The following DPY30 variants were observed in gnomAD, a reference collection of about 807,000 sequenced individuals.
DPY30 encodes the protein protein dpy-30 homolog.
Under a neutral mutation model 16.2 loss-of-function variants are expected in DPY30, and 6 were observed. That is an observed-to-expected ratio of 0.37 (90% confidence interval 0.20 to 0.73). The LOEUF is 0.73. Ranked by LOEUF, DPY30 falls within the 30% of genes least tolerant of loss-of-function variation. The pLI is 0.51. For synonymous variants in DPY30, 39 were observed against 38.8 expected, an observed-to-expected ratio of 1.00 and a Z score of -0.02; for missense variants, 73 against 113.1, an observed-to-expected ratio of 0.65 and a Z score of 1.61.
At chr2:32,031,766 G>A (rs532631948) in intron 3 of DPY30, among the ~76,000 whole-genome samples, 62 of 151,108 alleles carry the variant, frequency 4.1e-4, no homozygotes, top group African/African-American at 1.5e-3. Context: ...AGTAGTGCGC[G>A]CCTGTAATCC....
intron 4 of DPY30, 31 bp from the exon 5 acceptor site, chr2:32,024,287 AATAT>A: frequency 1.4e-6 from 2 of 1,479,046 alleles, no homozygotes; most frequent in Non-Finnish European, 1.9e-6. Flanking sequence ...AAAGTTTAGA[AATAT>A]ATTTCCTAGG....
exon 6 of DPY30, chr2:32,011,961 C>CGGGA (rs2148645696): frequency 6.6e-6 from 1 of 152,030 alleles, no homozygotes; most frequent in East Asian, 1.9e-4. Context: ...TAGGCGGAGG[C>CGGGA]GGGAGGATCA....
At chr2:32,025,768 GAA>G (rs74507410) in intron 4 of DPY30, among the ~76,000 whole-genome samples, 3 of 61,570 alleles carry the variant, frequency 4.9e-5, no homozygotes, top group African/African-American at 1.9e-4. Context: ...GTCTTGGAAA[GAA>G]AAAAAAAAAA....
At chr2:32,012,266 A>G (rs1433510657) in intron 5 of DPY30, among the ~76,000 whole-genome samples, 1 of 151,670 alleles carries the variant, frequency 6.6e-6, no homozygotes. Context: ...TTACTGGAAC[A>G]CTTCTGACTC....
At chr2:32,012,623 A>T (rs1327212297) in intron 5 of DPY30, among the ~76,000 whole-genome samples, 1 of 151,754 alleles carries the variant, frequency 6.6e-6, no homozygotes, top group Admixed American at 6.6e-5. Context: ...TTTTTAGTAG[A>T]GACAGGGTTT....
In DPY30 at chr2:32,024,102, G is replaced by A. The variant is rs1019873373; in HGVS notation, c.*82C>T. ...AAGGTTCTTATACATCCAAAAAGAG[G>A]GAATGATCATGGCAATTAAAGCTGC... On this transcript the variant is annotated 3_prime_UTR_variant, in exon 5 of 5. Transcript: ENST00000342166. The A allele has an allele frequency of 1.5e-5, 23 of 1,550,502 alleles. No individual in the cohort carries two copies. Among genetic ancestry groups the A allele is most frequent in the Non-Finnish European group, 2.0e-5 (23 of 1,150,542 alleles).
intron 4 of DPY30, among the ~76,000 whole-genome samples, chr2:32,028,728 T>C (rs1377302537): frequency 6.6e-6 from 1 of 152,030 alleles, no homozygotes; most frequent in Non-Finnish European, 1.5e-5. Flanking sequence ...GAGGTGGAGG[T>C]TGCAGTGAGC....
intron 5 of DPY30, among the ~76,000 whole-genome samples, chr2:32,013,624 T>C (rs1432605719): frequency 6.6e-6 from 1 of 152,220 alleles, no homozygotes; most frequent in Admixed American, 6.5e-5. Flanking sequence ...ACTAGTGATT[T>C]TGGTTTGACA....
chr2:32,027,404 C>T (rs1438551600), intron 4 of DPY30, among the ~76,000 whole-genome samples: 1 of 151,526 alleles, frequency 6.6e-6, no homozygotes, highest in African/African-American at 2.4e-5. Flanking sequence ...CTGACAGGCA[C>T]CTGTAATCCC....
At chr2:32,017,744 C>T (rs1320041151) in intron 5 of DPY30, among the ~76,000 whole-genome samples, 2 of 152,076 alleles carry the variant, frequency 1.3e-5, no homozygotes, top group Non-Finnish European at 2.9e-5. Flanking sequence ...ACTGCCATTA[C>T]GTAATTTAAT....
chr2:32,034,461 T>A (rs866817636), intron 3 of DPY30, among the ~76,000 whole-genome samples: 12 of 152,004 alleles, frequency 7.9e-5, no homozygotes, highest in African/African-American at 2.7e-4. Flanking sequence ...AACAATCAGA[T>A]CTCACGGTAA....
At chr2:32,015,122 A>C (rs148091820) in intron 5 of DPY30, among the ~76,000 whole-genome samples, 1 of 151,204 alleles carries the variant, frequency 6.6e-6, no homozygotes, top group Non-Finnish European at 1.5e-5. Flanking sequence ...TTTAGGCTTG[A>C]TTTTGAATCT....
At chr2:32,037,032 G>C (rs1396868519) in intron 3 of DPY30, among the ~76,000 whole-genome samples, 1 of 152,212 alleles carries the variant, frequency 6.6e-6, no homozygotes, top group Non-Finnish European at 1.5e-5. Flanking sequence ...TCCGCCAGAA[G>C]ACTGTGAAGC....
At chr2:32,038,407 TGA>T (rs1491349409) in intron 3 of DPY30, among the ~76,000 whole-genome samples, 12 of 37,968 alleles carry the variant, frequency 3.2e-4, no homozygotes, top group African/African-American at 1.2e-3. Context: ...GGCCTTATTT[TGA>T]GGGGGGGGGG....
intron 3 of DPY30, among the ~76,000 whole-genome samples, chr2:32,030,549 G>C (rs1210865454): frequency 1.3e-5 from 2 of 150,712 alleles, no homozygotes; most frequent in African/African-American, 4.9e-5. Context: ...AGAATGGCGT[G>C]AACCTGGGAG....
At chr2:32,021,759 A>T (rs1332185095), downstream of DPY30, among the ~76,000 whole-genome samples, 2 of 151,910 alleles carry the variant, frequency 1.3e-5, no homozygotes, top group East Asian at 3.8e-4. Flanking sequence ...AGGCCCGTTA[A>T]CACATAAATA....
intron 3 of DPY30, among the ~76,000 whole-genome samples, chr2:32,032,555 C>T (rs1003259361): frequency 5.9e-5 from 9 of 152,122 alleles, no homozygotes; most frequent in Admixed American, 6.5e-5. Context: ...TCACAGTATA[C>T]GTATACAATA....
At chr2:32,018,484 T>C (rs1475440909) in intron 5 of DPY30, among the ~76,000 whole-genome samples, 2 of 152,160 alleles carry the variant, frequency 1.3e-5, no homozygotes, top group Non-Finnish European at 2.9e-5. Flanking sequence ...TCCCAGCACT[T>C]TGAGAGGCTT....
chr2:32,038,647 C>CTT (rs10679637), intron 3 of DPY30, among the ~76,000 whole-genome samples: 11,538 of 111,154 alleles, frequency 0.1, 1,274 homozygotes, highest in Middle Eastern at 0.18. Context: ...TTATTTTTTA[C>CTT]TTTTTTTTTT....
Sources: allele counts gnomAD v4.1 joint callset (sites outside exome capture counted in the v4.1 genomes callset), GRCh38; gene constraint gnomAD v4.1.1; transcripts MANE v1.5; gene names NCBI Gene and HGNC (gene_info 2026-07-23, HGNC 2026-07-21).